CSMD1: variants seen among roughly 807,000 people sequenced by gnomAD.
CSMD1 encodes the protein CUB and sushi domain-containing protein 1.
A neutral mutation model predicts 417.5 loss-of-function variants in CSMD1; 213 were observed. The observed-to-expected ratio is 0.51, with a 90% CI of 0.46 to 0.57. CSMD1 has a LOEUF of 0.57. Among genes scored for constraint, CSMD1 ranks in the 20% least tolerant of loss-of-function variants. The pLI is 0.00. For missense variants in CSMD1, 6,923 were observed against 4,529.7 expected, an observed-to-expected ratio of 1.53 and a Z score of -15.17; for synonymous variants, 2,862 against 1,736.8, an observed-to-expected ratio of 1.65 and a Z score of -16.11.
chr8:3,099,625 G>A (rs1348304318), intron 46 of CSMD1, among the ~76,000 whole-genome samples: 2 of 152,168 alleles, frequency 1.3e-5, no homozygotes, highest in Middle Eastern at 3.2e-3. Flanking sequence ...TGGAACTTCA[G>A]GCCATCTGGA....
intron 3 of CSMD1, among the ~76,000 whole-genome samples, chr8:4,380,213 T>G (rs943779452): frequency 5.9e-5 from 9 of 152,088 alleles, no homozygotes; most frequent in Admixed American, 2.0e-4. Flanking sequence ...CAGACTACAG[T>G]ATGGAAAAAG....
intron 6 of CSMD1, among the ~76,000 whole-genome samples, chr8:3,749,814 T>C (rs572304319): frequency 6.6e-6 from 1 of 152,204 alleles, no homozygotes; most frequent in Non-Finnish European, 1.5e-5. Flanking sequence ...TCCATGTTTG[T>C]TTATTACTTC....
intron 17 of CSMD1, among the ~76,000 whole-genome samples, chr8:3,394,825 A>T (rs1801874913): frequency 6.6e-6 from 1 of 152,180 alleles, no homozygotes; most frequent in African/African-American, 2.4e-5. Context: ...GTTACTTTGG[A>T]GCAAATGTTG....
At chr8:4,380,487 G>A (rs557663884) in intron 3 of CSMD1, among the ~76,000 whole-genome samples, 2 of 152,308 alleles carry the variant, frequency 1.3e-5, no homozygotes, top group South Asian at 4.1e-4. Flanking sequence ...TCAAAGACAA[G>A]GAAAACCTGA....
intron 37 of CSMD1, among the ~76,000 whole-genome samples, chr8:3,172,224 C>T (rs1222160988): frequency 2.0e-5 from 3 of 152,166 alleles, no homozygotes; most frequent in African/African-American, 7.2e-5. Flanking sequence ...TTTCTGACTG[C>T]TCACAGCCCT....
intron 5 of CSMD1, among the ~76,000 whole-genome samples, chr8:3,992,946 A>G (rs1814871961): frequency 1.3e-5 from 2 of 152,244 alleles, no homozygotes; most frequent in South Asian, 2.1e-4. Flanking sequence ...GGATAGGTCA[A>G]GTTCATAGAA....
intron 1 of CSMD1, among the ~76,000 whole-genome samples, chr8:4,797,814 T>G (rs978055187): frequency 3.9e-5 from 6 of 152,170 alleles, no homozygotes; most frequent in Non-Finnish European, 8.8e-5. Context: ...TGTGCTCATG[T>G]AACAAAAAAT....
chr8:4,598,142 C>G (rs1178217317), intron 2 of CSMD1, among the ~76,000 whole-genome samples: 3 of 152,096 alleles, frequency 2.0e-5, no homozygotes, highest in Non-Finnish European at 4.4e-5. Flanking sequence ...AAATCCCACT[C>G]CAATAAAAAG....
At chr8:4,784,130 C>A (rs137894687) in intron 1 of CSMD1, among the ~76,000 whole-genome samples, 9 of 152,308 alleles carry the variant, frequency 5.9e-5, no homozygotes, top group African/African-American at 1.9e-4. Context: ...CAAGGGTACA[C>A]AGAATAAGTC....
chr8:3,578,126 C>G (rs188058096), intron 9 of CSMD1, among the ~76,000 whole-genome samples: 1 of 152,366 alleles, frequency 6.6e-6, no homozygotes, highest in East Asian at 1.9e-4. Context: ...AGCACACCCA[C>G]TGTCTTCCCT....
At chr8:4,264,434 A>G (rs1375659135) in intron 3 of CSMD1, among the ~76,000 whole-genome samples, 1 of 152,204 alleles carries the variant, frequency 6.6e-6, no homozygotes, top group Non-Finnish European at 1.5e-5. Context: ...CTAGTTTAAT[A>G]AAACAAATTA....
chr8:3,713,079 A>G (rs938855045), intron 6 of CSMD1, among the ~76,000 whole-genome samples: 1 of 152,198 alleles, frequency 6.6e-6, no homozygotes, highest in African/African-American at 2.4e-5. Context: ...AATAAATATG[A>G]CGAATCTCTT....
At chr8:3,635,292 G>A (rs1796978607) in intron 7 of CSMD1, among the ~76,000 whole-genome samples, 1 of 151,898 alleles carries the variant, frequency 6.6e-6, no homozygotes, top group Non-Finnish European at 1.5e-5. Context: ...CGGCCAAGAT[G>A]GCAAAACCCC....
chr8:2,979,120 T>A (rs76538878), intron 54 of CSMD1, among the ~76,000 whole-genome samples: 2 of 152,224 alleles, frequency 1.3e-5, no homozygotes, highest in South Asian at 4.1e-4. Context: ...AATGGTCAAA[T>A]AGAACTAGCT....
At chr8:4,806,558 G>C (rs149393741) in intron 1 of CSMD1, among the ~76,000 whole-genome samples, 15 of 152,242 alleles carry the variant, frequency 9.9e-5, no homozygotes, top group South Asian at 6.2e-4. Context: ...TATTAACAAA[G>C]AGAGAAATCT....
At chr8:3,668,180 G>C (rs1366035749) in intron 7 of CSMD1, among the ~76,000 whole-genome samples, 1 of 152,126 alleles carries the variant, frequency 6.6e-6, no homozygotes, top group African/African-American at 2.4e-5. Flanking sequence ...TGACCTCTGA[G>C]ATATGTTTCC....
intron 3 of CSMD1, among the ~76,000 whole-genome samples, chr8:4,325,920 G>C (rs558732754): frequency 1.3e-5 from 2 of 152,232 alleles, no homozygotes; most frequent in Non-Finnish European, 2.9e-5. Flanking sequence ...AGATTTACAT[G>C]CTGGCTGGGG....
At chr8:2,940,124 T>A (rs1374972096) in intron 69 of CSMD1, among the ~76,000 whole-genome samples, 2 of 152,202 alleles carry the variant, frequency 1.3e-5, no homozygotes, top group Non-Finnish European at 2.9e-5. Flanking sequence ...GAAATATTTA[T>A]CTCTTTAGAG....
At chr8:4,819,601 AT>A (rs1413911924) in intron 1 of CSMD1, among the ~76,000 whole-genome samples, 2 of 152,136 alleles carry the variant, frequency 1.3e-5, no homozygotes, top group African/African-American at 4.8e-5. Flanking sequence ...GCATTTTCAA[AT>A]TTTCTCCTTT....
Sources: gnomAD v4.1 joint callset for allele counts (sites outside exome capture counted in the v4.1 genomes callset) on GRCh38, gnomAD v4.1.1 for gene constraint, MANE v1.5 for transcripts, NCBI Gene and HGNC (gene_info 2026-07-23, HGNC 2026-07-21) for gene names.